Variants in INSYN2B observed in about 807,000 individuals in gnomAD.
INSYN2B encodes the protein inhibitory synaptic factor family member 2B.
In INSYN2B, 16 loss-of-function variants were observed where a neutral mutation model predicts 41.2. The ratio of observed to expected loss-of-function variants is 0.39; its 90% CI spans 0.26 to 0.59. The LOEUF is 0.59. Among genes scored for constraint, INSYN2B ranks in the 20% least tolerant of loss-of-function variants. The pLI is 0.57. For missense variants in INSYN2B, 608 were observed against 646.4 expected, an observed-to-expected ratio of 0.94 and a Z score of 0.64; for synonymous variants, 245 against 244.4, an observed-to-expected ratio of 1.00 and a Z score of -0.02.
intron 1 of INSYN2B, among the ~76,000 whole-genome samples, chr5:169,921,097 T>C (rs942709900): frequency 6.6e-5 from 10 of 152,212 alleles, no homozygotes; most frequent in Admixed American, 1.3e-4. Context: ...AGTGTTTTGC[T>C]TCCATAAGGG....
intron 1 of INSYN2B, among the ~76,000 whole-genome samples, chr5:169,885,430 CCTAGGGTATCCTG>C (rs1772917288): frequency 6.6e-6 from 1 of 152,246 alleles, no homozygotes; most frequent in South Asian, 2.1e-4. Context: ...GAGTGAAGGT[CCTAGGGTATCCTG>C]CTAGGGCAAC....
At chr5:169,914,941 C>T (rs971666851) in intron 1 of INSYN2B, among the ~76,000 whole-genome samples, 7 of 152,350 alleles carry the variant, frequency 4.6e-5, no homozygotes, top group African/African-American at 1.2e-4. Flanking sequence ...CCACAGGCAG[C>T]GCCTGCCCAG....
intron 3 of INSYN2B, chr5:169,875,397 C>G: frequency 2.3e-6 from 1 of 435,864 alleles, no homozygotes; most frequent in South Asian, 1.6e-5. Flanking sequence ...TCAATGTAAA[C>G]CCTCACGATG....
intron 1 of INSYN2B, among the ~76,000 whole-genome samples, chr5:169,922,985 C>G (rs917980672): frequency 6.6e-6 from 1 of 152,176 alleles, no homozygotes; most frequent in South Asian, 2.1e-4. Flanking sequence ...GTGAATTTCT[C>G]TTATCGGTCC....
chr5:169,895,155 C>A (rs1261758362), intron 1 of INSYN2B, among the ~76,000 whole-genome samples: 1 of 152,212 alleles, frequency 6.6e-6, no homozygotes, highest in Non-Finnish European at 1.5e-5. Context: ...TTGCCTCTCA[C>A]CTGATGGGCT....
chr5:169,864,430 C>T lies in INSYN2B; in HGVS notation c.1451G>A (p.Gly484Asp). The T allele has an allele frequency of 3.2e-6, 5 of 1,547,078 alleles. No individual in the cohort carries two copies. The highest frequency in any genetic ancestry group is 4.4e-6 in the Non-Finnish European group (5 of 1,145,058). ...ACTCTGCAAAACTTCATGGAACCTG[C>T]CTTCCTGCTGCCGAAAATCATACTC... is the stretch of plus-strand genomic sequence containing the variant. ...SVEYDFRQQE[G>D]RFHEVLQSLE... Residue 484 changes from glycine to aspartate, a missense_variant, in exon 4 of 4, where the codon GGC (glycine) becomes GAC (aspartate). By Grantham distance (94) the Gly-to-Asp change is moderately conservative. Transcript: ENST00000377365.
In INSYN2B at chr5:169,876,056, T is replaced by C. The variant is rs1436092401; in HGVS notation, c.1421+5312A>G. Among the ~76,000 whole-genome samples the C allele has an allele frequency of 2.0e-5, 3 of 152,138 alleles. No individual in the cohort carries two copies. The East Asian group carries it at 5.8e-4, about 29-fold the overall frequency. On this transcript the variant is annotated intron_variant, in intron 3 of 3. Coordinates refer to ENST00000377365, the MANE Select transcript of INSYN2B (RefSeq NM_001129891.3). ...CTAGGAGAGAAAACATCCCTTGCCT[T>C]CTCTCACTTTTGGGGTCTGCCATGC...
At chr5:169,945,222 C>A (rs1181185724) in intron 1 of INSYN2B, among the ~76,000 whole-genome samples, 3 of 152,242 alleles carry the variant, frequency 2.0e-5, no homozygotes, top group African/African-American at 7.2e-5. Context: ...GAAAGTCATG[C>A]AACCTCTCCA....
intron 1 of INSYN2B, among the ~76,000 whole-genome samples, chr5:169,965,485 G>A (rs1426014551): frequency 6.6e-6 from 1 of 152,188 alleles, no homozygotes; most frequent in African/African-American, 2.4e-5. Context: ...GGCTAGTGTT[G>A]GAGTCAGGTC....
chr5:169,868,625 G>A (rs1192825510), intron 3 of INSYN2B, among the ~76,000 whole-genome samples: 1 of 152,126 alleles, frequency 6.6e-6, no homozygotes, highest in Admixed American at 6.5e-5. Context: ...ATGTGTGGTG[G>A]TGTGCAACTG....
At chr5:169,875,669 G>A (rs1367041273) in intron 3 of INSYN2B, 2 of 177,766 alleles carry the variant, frequency 1.1e-5, no homozygotes, top group Admixed American at 1.2e-4. Flanking sequence ...TCTGTAACAT[G>A]GGGGTACTTT....
At chr5:169,874,956 T>C (rs1342526602) in intron 3 of INSYN2B, among the ~76,000 whole-genome samples, 1 of 152,128 alleles carries the variant, frequency 6.6e-6, no homozygotes, top group Non-Finnish European at 1.5e-5. Context: ...TCCCTCGCCC[T>C]TGCCTCCATT....
At chr5:169,941,414 T>G (rs1373504829) in intron 1 of INSYN2B, among the ~76,000 whole-genome samples, 1 of 152,012 alleles carries the variant, frequency 6.6e-6, no homozygotes, top group Non-Finnish European at 1.5e-5. Flanking sequence ...TCAGGCTGGT[T>G]AGAGAGGCTT....
chr5:169,864,193 G>GGGCA lies in INSYN2B; in HGVS notation c.*76_*79dup. ...AGCCCAGGGCCTTTGCAAAGAAGCA[G>GGGCA]GGCAGGCCTTAAGTGCAGTGGATTT... is the stretch of plus-strand genomic sequence containing the variant. On this transcript the variant is annotated 3_prime_UTR_variant, in exon 4 of 4. Coordinates refer to ENST00000377365, the MANE Select transcript of INSYN2B (RefSeq NM_001129891.3). 1 of 1,268,800 alleles carries GGGCA rather than the reference G, an allele frequency of 7.9e-7. No homozygotes were observed. Among genetic ancestry groups the GGGCA allele is most frequent in the Non-Finnish European group, 1.1e-6 (1 of 893,594 alleles). The allele number at this position is 1,268,800 out of a possible 1,614,324, so 78.6% of individuals were successfully genotyped here.
chr5:169,945,740 T>C (rs1392866536), intron 1 of INSYN2B, among the ~76,000 whole-genome samples: 1 of 152,170 alleles, frequency 6.6e-6, no homozygotes, highest in Non-Finnish European at 1.5e-5. Flanking sequence ...GCAGAACACT[T>C]GCCTCTGGTT....
chr5:169,971,338 A>G (rs1332500582), intron 1 of INSYN2B, among the ~76,000 whole-genome samples: 1 of 151,868 alleles, frequency 6.6e-6, no homozygotes, highest in Non-Finnish European at 1.5e-5. Context: ...TGGGTTGGCT[A>G]TGCAGTGCCC....
chr5:169,975,418 A>G (rs1307799280), intron 1 of INSYN2B, among the ~76,000 whole-genome samples: 1 of 152,108 alleles, frequency 6.6e-6, no homozygotes, highest in Admixed American at 6.5e-5. Context: ...CACTGATCCC[A>G]TGGGCCTCCA....
At position 169,958,691 on chromosome 5, in the gene INSYN2B, G is replaced by A. The variant is rs75705689; in HGVS notation, c.-919+21586C>T. Among the ~76,000 whole-genome samples the A allele has an allele frequency of 3.3e-3, 504 of 152,138 alleles. 4 individuals carry two copies. Among genetic ancestry groups the A allele is most frequent in the African/African-American group, 0.011 (475 of 41,490 alleles). ...TAGGCGTGGAGCTCTCTTGAAGATG[G>A]TTAAGTATGTATTAAGGCCAGGAAA... On this transcript the variant is annotated intron_variant, in intron 1 of 3. Transcript: ENST00000377365.
chr5:169,950,036 T>A (rs944718923), intron 1 of INSYN2B, among the ~76,000 whole-genome samples: 1 of 152,172 alleles, frequency 6.6e-6, no homozygotes, highest in Non-Finnish European at 1.5e-5. Flanking sequence ...CACAGATGCT[T>A]CCCACTGAGG....
Sources: allele counts gnomAD v4.1 joint callset (sites outside exome capture counted in the v4.1 genomes callset), GRCh38; gene constraint gnomAD v4.1.1; transcripts MANE v1.5; gene names NCBI Gene and HGNC (gene_info 2026-07-23, HGNC 2026-07-21).